SEL1L2: variants seen among roughly 807,000 people sequenced by gnomAD.
The protein encoded by SEL1L2 is SEL1L2 adaptor subunit of SYVN1 ubiquitin ligase.
A neutral mutation model predicts 98.8 loss-of-function variants in SEL1L2; 89 were observed. The observed-to-expected ratio is 0.90, with a 90% CI of 0.76 to 1.07. The LOEUF is 1.07. Ranked by LOEUF, SEL1L2 falls within the 50% of genes least tolerant of loss-of-function variation. SEL1L2 has a pLI of 0.00. For synonymous variants in SEL1L2, 262 were observed against 278.5 expected (o/e 0.94, Z 0.59); for missense variants, 788 against 812.0 (o/e 0.97, Z 0.36).
intron 17 of SEL1L2, among the ~76,000 whole-genome samples, chr20:13,860,537 G>A (rs909841238): frequency 6.6e-6 from 1 of 152,086 alleles, no homozygotes; most frequent in African/African-American, 2.4e-5. Flanking sequence ...GCCTTCTCTT[G>A]GTTTCCCTTC....
chr20:13,953,767 C>T (rs2050387358), intron 2 of SEL1L2, among the ~76,000 whole-genome samples: 1 of 152,186 alleles, frequency 6.6e-6, no homozygotes, highest in Non-Finnish European at 1.5e-5. Context: ...GCCCTTCTCG[C>T]CCTTCAAAGT....
At chr20:13,919,741 G>A (rs2048568386) in intron 3 of SEL1L2, among the ~76,000 whole-genome samples, 2 of 151,812 alleles carry the variant, frequency 1.3e-5, no homozygotes. Context: ...TCCTGGCCAG[G>A]GTGGTGAAAC....
At chr20:13,873,712 CA>C (rs1388725855) in intron 12 of SEL1L2, among the ~76,000 whole-genome samples, 16 of 152,156 alleles carry the variant, frequency 1.1e-4, no homozygotes, top group African/African-American at 3.9e-4. Context: ...TATGTATAGC[CA>C]AACCCTGCAG....
intron 2 of SEL1L2, among the ~76,000 whole-genome samples, chr20:13,937,468 GTGGTGGGGGC>G (rs1486644386): frequency 3.9e-5 from 6 of 152,194 alleles, no homozygotes; most frequent in Non-Finnish European, 7.3e-5. Context: ...AATCTAGGAG[GTGGTGGGGGC>G]TGGCTAGCAG....
intron 2 of SEL1L2, among the ~76,000 whole-genome samples, chr20:13,943,399 A>G (rs1264127153): frequency 2.0e-5 from 3 of 152,136 alleles, no homozygotes; most frequent in Non-Finnish European, 4.4e-5. Flanking sequence ...ACATGCAAGG[A>G]GCAGAAAATT....
chr20:13,869,273 G>C lies in SEL1L2; in HGVS notation c.1255+230C>G, dbSNP rs1349929959. ...TGGGGATGTGCACGGGATATCGCTA[G>C]CACCTCCAACTTAACCTTGTCAAAG... On this transcript the variant is annotated intron_variant, in intron 14 of 19. Transcript: ENST00000284951. Among the ~76,000 whole-genome samples, 5 of 152,196 alleles carry C rather than the reference G, an allele frequency of 3.3e-5. No individual in the cohort carries two copies. In the East Asian group the frequency reaches 7.7e-4, roughly 24 times the overall value.
chr20:13,949,216 G>A (rs941633027), intron 2 of SEL1L2, among the ~76,000 whole-genome samples: 2 of 152,130 alleles, frequency 1.3e-5, no homozygotes, highest in African/African-American at 4.8e-5. Flanking sequence ...ATTAAAAAAT[G>A]AGCAAATGAA....
intron 1 of SEL1L2, among the ~76,000 whole-genome samples, chr20:13,963,841 A>C (rs1391070247): frequency 1.3e-5 from 2 of 152,198 alleles, no homozygotes; most frequent in Non-Finnish European, 2.9e-5. Flanking sequence ...GTAGGAATAC[A>C]AACGGCAGTC....
Position 13,862,646 on chromosome 20 carries a change from C to T in SEL1L2, c.1645+2521G>A, listed in dbSNP as rs547589081. 3.2e-3 allele frequency among the ~76,000 whole-genome samples: 483 copies of T among 152,022 alleles called. 4 individuals are homozygous for T. Among genetic ancestry groups the T allele is most frequent in the African/African-American group, 0.011 (465 of 41,510 alleles). On this transcript the variant is annotated intron_variant, in intron 17 of 19. Coordinates refer to ENST00000284951, the MANE Select transcript of SEL1L2 (RefSeq NM_025229.2). ...TACCATGAGCCTTCTTTAAGTCTCT[C>T]TGAGTACAGCTAACACTATAAAATT...
At chr20:13,900,782 G>C (rs912014615) in intron 5 of SEL1L2, among the ~76,000 whole-genome samples, 4 of 152,112 alleles carry the variant, frequency 2.6e-5, no homozygotes, top group African/African-American at 9.7e-5. Context: ...CTCCTTACTT[G>C]TTTCAAGTAA....
At chr20:13,893,917 T>C (rs951057078) in intron 5 of SEL1L2, among the ~76,000 whole-genome samples, 2 of 152,084 alleles carry the variant, frequency 1.3e-5, no homozygotes, top group African/African-American at 4.8e-5. Flanking sequence ...AAATGACATA[T>C]TCTTGAGCAA....
chr20:13,946,108 C>T (rs374931883), intron 2 of SEL1L2, among the ~76,000 whole-genome samples: 29 of 152,126 alleles, frequency 1.9e-4, no homozygotes, highest in African/African-American at 6.5e-4. Flanking sequence ...CAACATAGTA[C>T]TGAAAGTCCT....
intron 1 of SEL1L2, among the ~76,000 whole-genome samples, chr20:13,968,732 T>C (rs1237295306): frequency 6.6e-6 from 1 of 152,252 alleles, no homozygotes; most frequent in Non-Finnish European, 1.5e-5. Flanking sequence ...TGCAAGGCTT[T>C]CTGTGCTCTC....
chr20:13,920,502 C>A (rs755620406), intron 3 of SEL1L2, among the ~76,000 whole-genome samples: 1 of 152,138 alleles, frequency 6.6e-6, no homozygotes, highest in African/African-American at 2.4e-5. Flanking sequence ...AAGAGTCACA[C>A]TTAAAGATAT....
At chr20:13,991,854 G>A (rs763150897), upstream of SEL1L2, among the ~76,000 whole-genome samples, 21 of 152,082 alleles carry the variant, frequency 1.4e-4, no homozygotes, top group Non-Finnish European at 2.6e-4. Context: ...TTAGCTGGAC[G>A]TGGTGGTATG....
chr20:13,859,996 G>A (rs1459533437), intron 17 of SEL1L2, among the ~76,000 whole-genome samples: 8 of 152,180 alleles, frequency 5.3e-5, no homozygotes, highest in Admixed American at 3.3e-4. Flanking sequence ...GAGCCTCCGC[G>A]CCCGGCCAAA....
At chr20:13,973,568 C>A (rs937349153) in intron 1 of SEL1L2, 1 of 152,174 alleles carries the variant, frequency 6.6e-6, no homozygotes, top group Non-Finnish European at 1.5e-5. Flanking sequence ...GGAATAGAGA[C>A]TCCATGAATA....
chr20:13,851,106 G>A (rs1988176403), intron 18 of SEL1L2, among the ~76,000 whole-genome samples: 1 of 152,028 alleles, frequency 6.6e-6, no homozygotes, highest in Non-Finnish European at 1.5e-5. Context: ...GTGTGGTGGT[G>A]CATGCCTGTA....
chr20:13,959,656 G>C (rs531413681), intron 1 of SEL1L2, among the ~76,000 whole-genome samples: 3 of 152,220 alleles, frequency 2.0e-5, no homozygotes, highest in African/African-American at 7.2e-5. Flanking sequence ...CTTTTTGCAG[G>C]GAAAATGCCT....
Sources: gnomAD v4.1 joint callset for allele counts (sites outside exome capture counted in the v4.1 genomes callset) on GRCh38, gnomAD v4.1.1 for gene constraint, MANE v1.5 for transcripts, NCBI Gene and HGNC (gene_info 2026-07-23, HGNC 2026-07-21) for gene names.